Variants in RMST observed in about 807,000 individuals in gnomAD.
The protein encoded by RMST is long intergenic non-protein coding RNA 54.
At chr12:97,517,544 T>C (rs75708085) in intron 10 of RMST, among the ~76,000 whole-genome samples, 4,462 of 152,010 alleles carry the variant, frequency 0.029, 227 homozygotes, top group African/African-American at 0.1. Context: ...TCATTAAAAA[T>C]TGGATTATTC....
chr12:97,512,797 C>T (rs1039633332), intron 10 of RMST, among the ~76,000 whole-genome samples: 5 of 152,226 alleles, frequency 3.3e-5, no homozygotes, highest in Admixed American at 3.3e-4. Flanking sequence ...ACTCCTTAGC[C>T]CTTGGGTGGT....
chr12:97,479,183 A>G (rs11109056), intron 5 of RMST, among the ~76,000 whole-genome samples: 69,488 of 131,994 alleles, frequency 0.53, 17,932 homozygotes, highest in Middle Eastern at 0.7. Flanking sequence ...TCTCTTGCCC[A>G]GCCTGGAGTG....
At chr12:97,528,761 T>C (rs1881359418) in intron 10 of RMST, among the ~76,000 whole-genome samples, 1 of 152,100 alleles carries the variant, frequency 6.6e-6, no homozygotes, top group Admixed American at 6.6e-5. Context: ...CTGAGGAGGA[T>C]GATATATGCA....
chr12:97,480,311 C>T (rs1205114214), intron 5 of RMST, among the ~76,000 whole-genome samples: 1 of 151,968 alleles, frequency 6.6e-6, no homozygotes, highest in Non-Finnish European at 1.5e-5. Context: ...AGGATGGTCT[C>T]AATCTTCTGA....
At chr12:97,553,085 G>A (rs1041430711) in intron 11 of RMST, among the ~76,000 whole-genome samples, 5 of 152,060 alleles carry the variant, frequency 3.3e-5, no homozygotes, top group East Asian at 1.9e-4. Flanking sequence ...TAAATGATTG[G>A]TAAAATGTTA....
intron 5 of RMST, among the ~76,000 whole-genome samples, chr12:97,488,534 G>A (rs1565920919): frequency 6.6e-6 from 1 of 152,166 alleles, no homozygotes; most frequent in East Asian, 1.9e-4. Context: ...TGGGAAATGA[G>A]GCAAAAGTGT....
At position 97,493,510 on chromosome 12, in the gene RMST, G is replaced by A. The variant is rs758985782; in HGVS notation, n.899+225G>A. Among the ~76,000 whole-genome samples the A allele has an allele frequency of 5.9e-4, 90 of 151,892 alleles. 1 individual carries two copies. Among genetic ancestry groups the A allele is most frequent in the Non-Finnish European group, 8.8e-5 (6 of 67,950 alleles). ...TTTCTTTATTCTCTTGGGTACTTTT[G>A]AAAAATAAACCACCAAAAATGGACT... On this transcript the variant is annotated intron_variant and non_coding_transcript_variant, in intron 7 of 13. Coordinates refer to ENST00000640149, the Ensembl canonical transcript of RMST.
chr12:97,549,603 T>C (rs2136644552), intron 11 of RMST, among the ~76,000 whole-genome samples: 1 of 152,292 alleles, frequency 6.6e-6, no homozygotes, highest in South Asian at 2.1e-4. Flanking sequence ...AAAGTAAACA[T>C]AGAACCATTA....
At chr12:97,514,597 A>G (rs1879747185) in intron 10 of RMST, among the ~76,000 whole-genome samples, 1 of 151,796 alleles carries the variant, frequency 6.6e-6, no homozygotes, top group Non-Finnish European at 1.5e-5. Flanking sequence ...TTCATTCTGA[A>G]CTGTTGACAA....
chr12:97,501,448 T>C (rs1438636152), intron 10 of RMST, among the ~76,000 whole-genome samples: 1 of 152,232 alleles, frequency 6.6e-6, no homozygotes, highest in East Asian at 1.9e-4. Flanking sequence ...ATAAAATAGG[T>C]ATACCACTAT....
intron 10 of RMST, among the ~76,000 whole-genome samples, chr12:97,496,849 C>A (rs776469822): frequency 6.6e-6 from 1 of 152,134 alleles, no homozygotes; most frequent in Non-Finnish European, 1.5e-5. Flanking sequence ...ACATTGAATG[C>A]ATTTTTAAGG....
At chr12:97,512,485 T>C (rs967546118) in intron 10 of RMST, among the ~76,000 whole-genome samples, 1 of 152,166 alleles carries the variant, frequency 6.6e-6, no homozygotes, top group Non-Finnish European at 1.5e-5. Context: ...AGGGCACTGA[T>C]TGGTGCGTTT....
chr12:97,562,892 A>G (rs1488035375), intron 13 of RMST, among the ~76,000 whole-genome samples: 1 of 152,108 alleles, frequency 6.6e-6, no homozygotes, highest in East Asian at 1.9e-4. Flanking sequence ...TGTTTCTTTT[A>G]TTTGAATTTG....
At chr12:97,504,758 C>T (rs1318757500) in intron 10 of RMST, among the ~76,000 whole-genome samples, 3 of 152,122 alleles carry the variant, frequency 2.0e-5, no homozygotes, top group Non-Finnish European at 4.4e-5. Flanking sequence ...TTTCACTATA[C>T]CTTGGCTATC....
chr12:97,465,929 G>A (rs966727916), intron 5 of RMST, among the ~76,000 whole-genome samples: 1 of 152,110 alleles, frequency 6.6e-6, no homozygotes, highest in Non-Finnish European at 1.5e-5. Context: ...TAAAATGCAA[G>A]CAGGTGCTCC....
intron 11 of RMST, chr12:97,552,144 G>T (rs1037236441): frequency 6.6e-5 from 10 of 152,062 alleles, no homozygotes; most frequent in Non-Finnish European, 1.2e-4. Context: ...TCCTTCCTTT[G>T]CATCATTTCT....
chr12:97,519,060 G>A (rs1307066984), intron 10 of RMST, among the ~76,000 whole-genome samples: 2 of 152,132 alleles, frequency 1.3e-5, no homozygotes, highest in Admixed American at 6.5e-5. Context: ...TTACAGGCAC[G>A]AACCACTGCA....
At chr12:97,548,837 C>T (rs1038615448) in intron 11 of RMST, among the ~76,000 whole-genome samples, 2 of 151,868 alleles carry the variant, frequency 1.3e-5, no homozygotes, top group Non-Finnish European at 2.9e-5. Flanking sequence ...ATGCAGAAAA[C>T]ATATTTTGAT....
chr12:97,480,074 T>C (rs932044941), intron 5 of RMST, among the ~76,000 whole-genome samples: 1 of 148,370 alleles, frequency 6.7e-6, no homozygotes, highest in African/African-American at 2.5e-5. Context: ...TTTCTTTTCT[T>C]TTCTTTTCTT....
Sources: gnomAD v4.1 joint callset for allele counts (sites outside exome capture counted in the v4.1 genomes callset) on GRCh38, gnomAD v4.1.1 for gene constraint, MANE v1.5 for transcripts, NCBI Gene and HGNC (gene_info 2026-07-23, HGNC 2026-07-21) for gene names.